The following KIF16B variants were observed in gnomAD, a reference collection of about 807,000 sequenced individuals.
KIF16B encodes the protein kinesin-like protein KIF16B.
A neutral mutation model predicts 156.3 loss-of-function variants in KIF16B; 98 were observed. The ratio of observed to expected loss-of-function variants is 0.63; its 90% CI spans 0.53 to 0.74. KIF16B has a LOEUF of 0.74. Among genes scored for constraint, KIF16B ranks in the 30% least tolerant of loss-of-function variants. The probability of loss-of-function intolerance (pLI) is 0.00; values close to 1 mark genes in which losing one functional copy is unlikely to be tolerated. For synonymous variants in KIF16B, 564 were observed against 583.7 expected (o/e 0.97, Z 0.49); for missense variants, 1,421 against 1,606.5 (o/e 0.88, Z 1.97).
chr20:16,356,630 C>T (rs547203064), intron 22 of KIF16B, among the ~76,000 whole-genome samples, 178 bp from the exon 23 acceptor site: 1 of 152,184 alleles, frequency 6.6e-6, no homozygotes, highest in Non-Finnish European at 1.5e-5. Flanking sequence ...AAGCCTCTCT[C>T]ATAACAAAAA....
intron 15 of KIF16B, among the ~76,000 whole-genome samples, chr20:16,407,292 C>T (rs761419581): frequency 5.3e-5 from 8 of 152,158 alleles, no homozygotes; most frequent in Non-Finnish European, 1.2e-4. Context: ...AGAAGAGGTT[C>T]ACTGTGTCTT....
chr20:16,509,324 T>C (rs549184222), intron 6 of KIF16B, among the ~76,000 whole-genome samples: 1 of 152,294 alleles, frequency 6.6e-6, no homozygotes, highest in Admixed American at 6.5e-5. Flanking sequence ...CAAATGCCTG[T>C]GAATGTTTAT....
chr20:16,536,205 G>A (rs2069954489), intron 1 of KIF16B, among the ~76,000 whole-genome samples: 1 of 152,148 alleles, frequency 6.6e-6, no homozygotes, highest in South Asian at 2.1e-4. Flanking sequence ...GACAGAACTA[G>A]GGGTCATTAT....
intron 16 of KIF16B, 67 bp from the exon 17 acceptor site, chr20:16,404,968 T>A (rs1008009018): frequency 3.9e-5 from 43 of 1,105,930 alleles, no homozygotes; most frequent in Non-Finnish European, 5.6e-5. Flanking sequence ...TCTGGACTCA[T>A]TGCTTCCAAC....
intron 12 of KIF16B, among the ~76,000 whole-genome samples, chr20:16,480,396 T>G (rs1183605972): frequency 6.6e-6 from 1 of 152,102 alleles, no homozygotes; most frequent in African/African-American, 2.4e-5. Flanking sequence ...CACTTGTGAT[T>G]GAAAAAACTG....
chr20:16,471,855 G>GT (rs1171256752), intron 12 of KIF16B, among the ~76,000 whole-genome samples: 1 of 152,102 alleles, frequency 6.6e-6, no homozygotes. Context: ...TTCCATTAAG[G>GT]TTTTTTGTTA....
At position 16,573,216 on chromosome 20, in the gene KIF16B, CG is replaced by C; in HGVS notation, c.47+12del. Reference sequence around the variant, plus strand: ...GCGCGACGAGGGGGCGGGGCGCGGGCGGCCCCACTCACCTGCGATTCATGGG... The same window carrying C: ...GCGCGACGAGGGGGCGGGGCGCGGGCGCCCCACTCACCTGCGATTCATGGG... On this transcript the variant is annotated intron_variant, in intron 1 of 25. Coordinates refer to ENST00000354981, the MANE Select transcript of KIF16B (RefSeq NM_024704.5). The C allele has an allele frequency of 1.3e-6, 2 of 1,578,628 alleles. No individual in the cohort carries two copies. The highest frequency in any genetic ancestry group is 1.7e-6 in the Non-Finnish European group (2 of 1,162,618).
intron 22 of KIF16B, chr20:16,366,974 T>C: frequency 6.2e-6 from 8 of 1,291,190 alleles, no homozygotes; most frequent in Non-Finnish European, 6.9e-6. Context: ...GCTGTTTTTA[T>C]TTTATTGTAG....
At position 16,292,551 on chromosome 20, in the gene KIF16B, A is replaced by C. The variant is rs190595435; in HGVS notation, c.3796-19140T>G. ...TGAAAAAAAGCACAAGGTATTTGGA[A>C]AACAAGTCTGAAAAAGAGGGAGTTA... On this transcript the variant is annotated intron_variant, in intron 25 of 25. Coordinates refer to ENST00000354981, the MANE Select transcript of KIF16B (RefSeq NM_024704.5). Among the ~76,000 whole-genome samples, 6 of 152,358 alleles carry C rather than the reference A, an allele frequency of 3.9e-5. No individual in the cohort carries two copies. In the East Asian group the frequency reaches 1.2e-3, roughly 29 times the overall value.
At chr20:16,406,231 C>T in intron 16 of KIF16B, 143 bp downstream of exon 16, 1 of 705,386 alleles carries the variant, frequency 1.4e-6, no homozygotes, top group Non-Finnish European at 2.5e-6. Flanking sequence ...GAAACAATCT[C>T]CCTAGAATCA....
intron 23 of KIF16B, among the ~76,000 whole-genome samples, chr20:16,337,608 C>T (rs1601595444): frequency 6.6e-6 from 1 of 152,282 alleles, no homozygotes; most frequent in East Asian, 1.9e-4. Context: ...CAGTAGTAAG[C>T]ATTTAAAGCT....
At position 16,533,001 on chromosome 20, in the gene KIF16B, T is replaced by G. The variant is rs73901106; in HGVS notation, c.48-4561A>C. ...AGGGCAGTGCGTTCCTAGTTCTAAA[T>G]TAACATCCATTCTATAAAAGCACTA... is the stretch of plus-strand genomic sequence containing the variant. On this transcript the variant is annotated intron_variant, in intron 1 of 25. Transcript: ENST00000354981. Among the ~76,000 whole-genome samples, 1,475 of 152,296 alleles carry G rather than the reference T, an allele frequency of 9.7e-3. 36 individuals are homozygous for G. The highest frequency in any genetic ancestry group is 0.034 in the African/African-American group (1,407 of 41,554).
intron 24 of KIF16B, among the ~76,000 whole-genome samples, chr20:16,332,910 A>T (rs571196149): frequency 7.9e-4 from 121 of 152,230 alleles, no homozygotes; most frequent in Admixed American, 5.4e-3. Context: ...CCTCAAATTA[A>T]TGTCTAAAAA....
chr20:16,492,284 C>T (rs552226405), intron 12 of KIF16B, among the ~76,000 whole-genome samples: 134 of 152,328 alleles, frequency 8.8e-4, no homozygotes, highest in Non-Finnish European at 1.6e-3. Context: ...GAGTAGCTCT[C>T]CTCTTCACCT....
At chr20:16,318,045 A>T (rs1365404387) in intron 24 of KIF16B, among the ~76,000 whole-genome samples, 3 of 152,238 alleles carry the variant, frequency 2.0e-5, no homozygotes, top group African/African-American at 7.2e-5. Context: ...TGGTGAAAAC[A>T]GTTTCAGGAC....
chr20:16,414,225 A>G (rs2066030550), intron 15 of KIF16B, among the ~76,000 whole-genome samples: 1 of 152,086 alleles, frequency 6.6e-6, no homozygotes, highest in Admixed American at 6.6e-5. Flanking sequence ...AAGATGGAAC[A>G]TGGTGTCTGT....
chr20:16,420,802 A>G (rs1412718937), intron 15 of KIF16B, among the ~76,000 whole-genome samples: 1 of 152,120 alleles, frequency 6.6e-6, no homozygotes, highest in East Asian at 1.9e-4. Flanking sequence ...GTCCTAGGCC[A>G]ATAACCACTC....
At chr20:16,292,467 C>T (rs535239386) in intron 25 of KIF16B, among the ~76,000 whole-genome samples, 6 of 152,158 alleles carry the variant, frequency 3.9e-5, no homozygotes, top group South Asian at 2.1e-4. Context: ...GCAGTTTACA[C>T]GGGCAACAAA....
intron 25 of KIF16B, among the ~76,000 whole-genome samples, chr20:16,306,233 G>A (rs2063538962): frequency 6.6e-6 from 1 of 152,082 alleles, no homozygotes; most frequent in Admixed American, 6.6e-5. Context: ...GTATTCCTGG[G>A]ATTTTTTGGC....
Sources: allele counts gnomAD v4.1 joint callset (sites outside exome capture counted in the v4.1 genomes callset), GRCh38; gene constraint gnomAD v4.1.1; transcripts MANE v1.5; gene names NCBI Gene and HGNC (gene_info 2026-07-23, HGNC 2026-07-21).